The following SUMF1 variants were observed in gnomAD, a reference collection of about 807,000 sequenced individuals.
SUMF1 encodes the protein formylglycine-generating enzyme.
In SUMF1, 48 loss-of-function variants were observed where a neutral mutation model predicts 47.6. The ratio of observed to expected loss-of-function variants is 1.01; its 90% CI spans 0.80 to 1.28. The LOEUF (loss-of-function observed/expected upper bound fraction) is 1.28, where lower values mean the gene tolerates loss of function less well. Ranked by LOEUF, SUMF1 falls within the 50% of genes most tolerant of loss-of-function variation. SUMF1 has a pLI of 0.00. For synonymous variants in SUMF1, 230 were observed against 192.1 expected (o/e 1.20, Z -1.63); for missense variants, 571 against 485.4 (o/e 1.18, Z -1.66).
rs541965030 is a variant in SUMF1 at position 4,053,246 on chromosome 3, A to G, written c.1191+15323T>C. 2.6e-5 allele frequency among the ~76,000 whole-genome samples: 4 copies of G among 152,288 alleles called. No homozygotes were observed. The South Asian group carries it at 8.3e-4, about 32-fold the overall frequency. ...AGCCTGTCAGTGGAGAAGCCAGAAC[A>G]CACACAAGATTTATCGATTAAGTTT... On this transcript the variant is annotated intron_variant and NMD_transcript_variant, in intron 9 of 12. Transcript: ENST00000448413.
chr3:4,418,507 GACTA>G (rs1481199645), intron 4 of SUMF1, among the ~76,000 whole-genome samples: 2 of 152,180 alleles, frequency 1.3e-5, no homozygotes, highest in East Asian at 3.8e-4. Context: ...AGAAACCAGT[GACTA>G]ACCAACCACA....
chr3:4,126,633 G>T (rs1315735239), intron 8 of SUMF1, among the ~76,000 whole-genome samples: 2 of 152,042 alleles, frequency 1.3e-5, no homozygotes, highest in African/African-American at 4.8e-5. Context: ...CCAAAACAAG[G>T]GTATGAATAC....
chr3:4,112,121 G>A (rs780516880), intron 8 of SUMF1, among the ~76,000 whole-genome samples: 8 of 152,036 alleles, frequency 5.3e-5, no homozygotes, highest in Admixed American at 5.2e-4. Context: ...TAACTCTAGT[G>A]CAGACTAGCC....
At position 4,053,276 on chromosome 3, in the gene SUMF1, T is replaced by C. The variant is rs138864358; in HGVS notation, c.1191+15293A>G. 2.0e-4 allele frequency among the ~76,000 whole-genome samples: 30 copies of C among 152,248 alleles called. 2 individuals are homozygous for C. The highest frequency in any genetic ancestry group is 7.0e-4 in the African/African-American group (29 of 41,528). ...CAAGATTTATCGATTAAGTTTGCCG[T>C]CTTTTATGGACATGGTTCGTGGCAC... On this transcript the variant is annotated intron_variant and NMD_transcript_variant, in intron 9 of 12. Transcript: ENST00000448413.
chr3:4,358,931 T>C (rs1317096549), downstream of SUMF1, among the ~76,000 whole-genome samples: 2 of 152,184 alleles, frequency 1.3e-5, no homozygotes, highest in Non-Finnish European at 2.9e-5. Flanking sequence ...TGGCTGCAAA[T>C]GCCAGTGGAG....
chr3:4,359,643 G>A (rs956450625), downstream of SUMF1, among the ~76,000 whole-genome samples: 3 of 152,194 alleles, frequency 2.0e-5, no homozygotes, highest in African/African-American at 7.2e-5. Flanking sequence ...AGGAGAGACA[G>A]TGAGTGCTGA....
chr3:4,150,285 G>A (rs1226320227), intron 8 of SUMF1, among the ~76,000 whole-genome samples: 1 of 147,686 alleles, frequency 6.8e-6, no homozygotes. Context: ...TTGTAGGCCA[G>A]GCTCAGTGGC....
At chr3:4,357,577 TTTTATTTATTTATTTATTTATTTA>T (rs58387595), downstream of SUMF1, among the ~76,000 whole-genome samples, 4 of 138,732 alleles carry the variant, frequency 2.9e-5, no homozygotes, top group African/African-American at 5.4e-5. Flanking sequence ...CCCAACCAAC[TTTTATTTATTTATTTATTTATTTA>T]TTTATTTATT....
chr3:4,396,336 G>A (rs1185865112), intron 7 of SUMF1, among the ~76,000 whole-genome samples: 2 of 152,130 alleles, frequency 1.3e-5, no homozygotes, highest in African/African-American at 4.8e-5. Context: ...TATAGTTCAC[G>A]AGTTCCACAA....
intron 8 of SUMF1, among the ~76,000 whole-genome samples, chr3:4,122,760 G>C (rs915437312): frequency 1.5e-4 from 23 of 152,168 alleles, no homozygotes; most frequent in Non-Finnish European, 1.2e-4. Context: ...ACTAGTAGGA[G>C]AGAAGCCAAA....
At chr3:4,077,054 A>C (rs1471185019) in intron 8 of SUMF1, among the ~76,000 whole-genome samples, 3 of 152,098 alleles carry the variant, frequency 2.0e-5, no homozygotes, top group Non-Finnish European at 4.4e-5. Flanking sequence ...CATATGAAAA[A>C]ATGCTCATCA....
At chr3:4,103,966 TAA>T (rs1225757083) in intron 8 of SUMF1, among the ~76,000 whole-genome samples, 1 of 152,168 alleles carries the variant, frequency 6.6e-6, no homozygotes, top group Non-Finnish European at 1.5e-5. Context: ...GTGGTTAACC[TAA>T]GTTTTTGTCT....
At chr3:4,229,190 G>C (rs1234393988) in intron 8 of SUMF1, 1 of 217,168 alleles carries the variant, frequency 4.6e-6, no homozygotes, top group African/African-American at 2.4e-5. Context: ...ATCTCTCACT[G>C]GCTGGTCTAA....
intron 7 of SUMF1, among the ~76,000 whole-genome samples, chr3:4,381,705 G>A (rs1261936485): frequency 6.6e-6 from 1 of 152,152 alleles, no homozygotes; most frequent in Non-Finnish European, 1.5e-5. Flanking sequence ...TCTTTATAGA[G>A]GAATTCCAGA....
chr3:4,111,736 TA>T (rs1170749881), intron 8 of SUMF1, among the ~76,000 whole-genome samples: 13 of 151,822 alleles, frequency 8.6e-5, no homozygotes, highest in African/African-American at 3.1e-4. Context: ...AGACACCGTC[TA>T]AAAAAAACCC....
At chr3:4,077,984 T>C (rs1692476625) in intron 8 of SUMF1, among the ~76,000 whole-genome samples, 1 of 152,066 alleles carries the variant, frequency 6.6e-6, no homozygotes, top group Non-Finnish European at 1.5e-5. Flanking sequence ...TTCATGGCAT[T>C]TTTTTCTTGC....
At chr3:4,426,807 AC>A (rs1472302023) in intron 3 of SUMF1, among the ~76,000 whole-genome samples, 1 of 152,244 alleles carries the variant, frequency 6.6e-6, no homozygotes, top group African/African-American at 2.4e-5. Context: ...TTCCAGAGTT[AC>A]AGCACTCCCT....
At chr3:4,456,026 A>C (rs1422866259) in intron 1 of SUMF1, among the ~76,000 whole-genome samples, 2 of 152,214 alleles carry the variant, frequency 1.3e-5, no homozygotes, top group Admixed American at 1.3e-4. Context: ...TCATATACCA[A>C]AATTAAGTGG....
chr3:4,431,530 T>C (rs983303199), intron 3 of SUMF1, among the ~76,000 whole-genome samples: 1 of 152,226 alleles, frequency 6.6e-6, no homozygotes, highest in Non-Finnish European at 1.5e-5. Flanking sequence ...TGAGAGCTGT[T>C]GCGTCGCTCA....
Sources: allele counts gnomAD v4.1 joint callset (sites outside exome capture counted in the v4.1 genomes callset), GRCh38; gene constraint gnomAD v4.1.1; transcripts MANE v1.5; gene names NCBI Gene and HGNC (gene_info 2026-07-23, HGNC 2026-07-21).